The following PCDHGA2 variants were observed in gnomAD, a reference collection of about 807,000 sequenced individuals.
PCDHGA2 encodes protocadherin gamma subfamily A, 2.
PCDHGA2 carries 40 observed loss-of-function variants against 59.2 expected under a neutral mutation model. The ratio of observed to expected loss-of-function variants is 0.68; its 90% CI spans 0.52 to 0.88. The LOEUF is 0.88. Among genes scored for constraint, PCDHGA2 ranks in the 40% least tolerant of loss-of-function variants. The pLI, the probability that PCDHGA2 is intolerant of heterozygous loss-of-function variation, is 0.00. For missense variants in PCDHGA2, 1,226 were observed against 1,204.0 expected (o/e 1.02, Z -0.27); for synonymous variants, 560 against 526.0 (o/e 1.06, Z -0.89).
rs116187844 is a variant in PCDHGA2, at chr5:141,424,198, C to T, written c.2425-70609C>T. The T allele has an allele frequency of 8.5e-3, 1,543 of 182,010 alleles. 28 individuals are homozygous for T. Among genetic ancestry groups the T allele is most frequent in the African/African-American group, 0.035 (1,445 of 41,852 alleles). The allele number at this position is 182,010 out of a possible 1,614,324, so 11.3% of individuals were successfully genotyped here. ...ATACACATGCACACACACTTATACA[C>T]GTAAGCTTTTCTCTGAGCAATTTTA... On this transcript the variant is annotated intron_variant, in intron 1 of 3. Coordinates refer to ENST00000394576, the MANE Select transcript of PCDHGA2 (RefSeq NM_018915.4).
intron 1 of PCDHGA2, among the ~76,000 whole-genome samples, chr5:141,373,018 T>C (rs200877775): frequency 1.8e-4 from 27 of 152,226 alleles, no homozygotes; most frequent in Non-Finnish European, 1.5e-4. Context: ...CTCCTTTTGA[T>C]AGTCTTGAAA....
chr5:141,380,050 C>A (rs112095214), intron 1 of PCDHGA2, among the ~76,000 whole-genome samples: 11,568 of 151,826 alleles, frequency 0.076, 586 homozygotes, highest in African/African-American at 0.14. Context: ...CAGGTGCATG[C>A]CACCATGCCT....
rs762530904 is a variant in PCDHGA2, at chr5:141,422,966, C to T, written c.2425-71841C>T. The T allele has an allele frequency of 2.5e-6, 4 of 1,614,112 alleles. No individual in the cohort carries two copies. The East Asian group carries it at 8.9e-5, about 36-fold the overall frequency. ...GGCTCCACTGGCGTGGAGCTGGCGC[C>T]CCGCTCTGCGGAACCTGGCTACCTG... On this transcript the variant is annotated intron_variant, in intron 1 of 3. Coordinates refer to ENST00000394576, the MANE Select transcript of PCDHGA2 (RefSeq NM_018915.4).
At chr5:141,404,917 G>C in intron 1 of PCDHGA2, 1 of 1,613,772 alleles carries the variant, frequency 6.2e-7, no homozygotes, top group Non-Finnish European at 8.5e-7. Flanking sequence ...CCCCTCTCTC[G>C]GCCACTGTCA....
At position 141,393,204 on chromosome 5, in the gene PCDHGA2, C is replaced by G. The variant is rs373432896; in HGVS notation, c.2424+51809C>G. On this transcript the variant is annotated intron_variant, in intron 1 of 3. Transcript: ENST00000394576. ...AATAATTGATATTAACGATAATAAC[C>G]CAAAATTCCAGGTCGAAGATCTAGA... 7 of 1,613,342 alleles carry G rather than the reference C, an allele frequency of 4.3e-6. No homozygotes were observed. In the East Asian group the frequency reaches 1.6e-4, roughly 36 times the overall value.
chr5:141,421,782 C>A, intron 1 of PCDHGA2: 1 of 1,613,878 alleles, frequency 6.2e-7, no homozygotes, highest in Non-Finnish European at 8.5e-7. Context: ...AACTGCGGGG[C>A]AGAACGGATG....
At chr5:141,445,339 A>G (rs1450773291) in intron 1 of PCDHGA2, among the ~76,000 whole-genome samples, 1 of 152,152 alleles carries the variant, frequency 6.6e-6, no homozygotes, top group Non-Finnish European at 1.5e-5. Context: ...GAAACAGTAA[A>G]CATTGGTGTC....
chr5:141,490,480 C>A lies in PCDHGA2; in HGVS notation c.2425-4327C>A, dbSNP rs564439931. ...GCTGCTAACCAGCCAGCCTTTGGAC[C>A]GGGAGGCCACATCCCACTATATCAT... On this transcript the variant is annotated intron_variant, in intron 1 of 3. Transcript: ENST00000394576. The surrounding 1 kb of genome is among the most constrained non-coding windows in gnomAD (Gnocchi z 5.4). 2.5e-5 allele frequency: 40 copies of A among 1,614,076 alleles called. No homozygotes were observed. The highest frequency in any genetic ancestry group is 5.9e-6 in the Non-Finnish European group (7 of 1,180,058).
chr5:141,376,780 G>A (rs1466188950), intron 1 of PCDHGA2: 2 of 383,610 alleles, frequency 5.2e-6, no homozygotes, highest in African/African-American at 2.2e-5. Flanking sequence ...TCCGCTTCCC[G>A]GGTTCACGCC....
chr5:141,492,740 C>T (rs1364102818), intron 1 of PCDHGA2, among the ~76,000 whole-genome samples: 1 of 152,238 alleles, frequency 6.6e-6, no homozygotes, highest in African/African-American at 2.4e-5. Context: ...GCCCAGTGGC[C>T]GAGGCGCGGC....
intron 1 of PCDHGA2, among the ~76,000 whole-genome samples, chr5:141,452,388 A>G (rs892688242): frequency 3.9e-5 from 6 of 152,210 alleles, no homozygotes; most frequent in Non-Finnish European, 5.9e-5. Flanking sequence ...TAGTATTTAG[A>G]AACTAAGATC....
At chr5:141,404,039 G>A in intron 1 of PCDHGA2, 1 of 1,613,750 alleles carries the variant, frequency 6.2e-7, no homozygotes, top group Non-Finnish European at 8.5e-7. Context: ...CGCACCTCAG[G>A]GAACAGTAAT....
chr5:141,362,714 C>A, intron 1 of PCDHGA2: 1 of 916,366 alleles, frequency 1.1e-6, no homozygotes, highest in Non-Finnish European at 1.6e-6. Context: ...AGTGTTTTCT[C>A]TCTGAAGTGT....
chr5:141,451,576 C>G (rs997933491), intron 1 of PCDHGA2, among the ~76,000 whole-genome samples: 10 of 152,164 alleles, frequency 6.6e-5, no homozygotes, highest in Middle Eastern at 3.4e-3. Context: ...TTTTTATAAA[C>G]CTAATTTTGA....
intron 2 of PCDHGA2, among the ~76,000 whole-genome samples, chr5:141,499,209 C>G (rs1171702973): frequency 6.6e-6 from 1 of 152,096 alleles, no homozygotes; most frequent in Admixed American, 6.5e-5. Context: ...GGCTGTAACC[C>G]AGGCCCTGCC....
At chr5:141,507,106 A>T (rs1205648425) in intron 3 of PCDHGA2, 1 of 152,118 alleles carries the variant, frequency 6.6e-6, no homozygotes, top group African/African-American at 2.4e-5. Context: ...TACTATAGGG[A>T]CCATGGCTGC....
intron 1 of PCDHGA2, chr5:141,403,871 C>T: frequency 1.2e-6 from 2 of 1,613,602 alleles, no homozygotes; most frequent in Admixed American, 1.7e-5. Flanking sequence ...AGCAAAAAGT[C>T]TAGATTATGA....
chr5:141,459,939 G>A (rs377668643), intron 1 of PCDHGA2, among the ~76,000 whole-genome samples: 7 of 152,256 alleles, frequency 4.6e-5, no homozygotes, highest in Non-Finnish European at 7.4e-5. Flanking sequence ...GTAGCTGGGC[G>A]TGATGGCAGG....
chr5:141,393,578 G>A (rs748225192), intron 1 of PCDHGA2: 2 of 1,613,812 alleles, frequency 1.2e-6, no homozygotes, highest in South Asian at 1.1e-5. Context: ...TTGAGAACAT[G>A]CCCCCAGGCA....
Sources: gnomAD v4.1 joint callset for allele counts (sites outside exome capture counted in the v4.1 genomes callset) on GRCh38, gnomAD v4.1.1 for gene constraint, Gnocchi (gnomAD v3.1) non-coding constraint, MANE v1.5 for transcripts, NCBI Gene and HGNC (gene_info 2026-07-23, HGNC 2026-07-21) for gene names.